IZUMO4: variants seen among roughly 807,000 people sequenced by gnomAD.
The protein encoded by IZUMO4 is izumo sperm-egg fusion protein 4.
Under a neutral mutation model 37.1 loss-of-function variants are expected in IZUMO4, and 51 were observed. The observed-to-expected ratio is 1.38, with a 90% CI of 1.10 to 1.74. The LOEUF is 1.74. Among genes scored for constraint, IZUMO4 ranks in the 40% most tolerant of loss-of-function variants. IZUMO4 has a pLI of 0.00. For missense variants in IZUMO4, 364 were observed against 299.6 expected, an observed-to-expected ratio of 1.21 and a Z score of -1.59; for synonymous variants, 162 against 121.4, an observed-to-expected ratio of 1.33 and a Z score of -2.20.
rs561059378 is a variant in IZUMO4, at chr19:2,098,867, G to A, written c.554+63G>A. 4.2e-4 allele frequency: 642 copies of A among 1,529,522 alleles called. 4 individuals carry two copies. The highest frequency in any genetic ancestry group is 3.8e-3 in the South Asian group (342 of 89,648). 94.7% of individuals were successfully genotyped at this position (1,529,522 alleles called of 1,614,324 possible). On this transcript the variant is annotated intron_variant, in intron 8 of 9. Coordinates refer to ENST00000395301, the MANE Select transcript of IZUMO4 (RefSeq NM_001039846.2). The stretch of plus-strand genomic sequence containing the variant: ...TAAAGGGAGAGAGGAGGGGGGCTAG[G>A]GGGTCCTCTAGATCAGTGGGGGCAC...
chr19:2,098,721 G>T, intron 7 of IZUMO4, 66 bp from the exon 8 acceptor site: 1 of 1,598,330 alleles, frequency 6.3e-7, no homozygotes, highest in Non-Finnish European at 8.5e-7. Flanking sequence ...TCAGAGCCTG[G>T]GAGGGTTCCC....
In IZUMO4 at chr19:2,099,507, G is replaced by C; in HGVS notation, c.*162G>C. ...CAGGAGGGCGGGAGGGAGGGAATGGGGGTGGGCTGTGCGCAGCATCAGCGC... is the reference window on the plus strand; with the variant it reads ...CAGGAGGGCGGGAGGGAGGGAATGGCGGTGGGCTGTGCGCAGCATCAGCGC... On this transcript the variant is annotated 3_prime_UTR_variant, in exon 10 of 10. Transcript: ENST00000395301. The C allele has an allele frequency of 1.7e-6, 1 of 604,320 alleles. No individual in the cohort carries two copies. Among genetic ancestry groups the C allele is most frequent in the East Asian group, 2.8e-5 (1 of 35,774 alleles). 37.4% of individuals were successfully genotyped at this position (604,320 alleles called of 1,614,324 possible). A position where few individuals can be genotyped will look rare whatever the true frequency, so the allele number is the denominator to read the frequency against.
At chr19:2,098,936 C>T (rs1379609958) in intron 8 of IZUMO4, 40 bp from the exon 9 acceptor site, 7 of 1,608,154 alleles carry the variant, frequency 4.4e-6, no homozygotes, top group African/African-American at 4.0e-5. Flanking sequence ...TGCTGGATGT[C>T]ACCTCTGCAA....
In IZUMO4 at chr19:2,098,262, C is replaced by G. The variant is rs757782144; in HGVS notation, c.474-25C>G. The G allele has an allele frequency of 5.0e-6, 8 of 1,613,546 alleles. 1 individual carries two copies. In the Admixed American group the frequency reaches 6.7e-5, roughly 13 times the overall value. ...GCGGGGCCGTGGGTTCAGGGGCGCA[C>G]CACTTCCAAGCCTGTGTCCCACAGG... On this transcript the variant is annotated intron_variant, in intron 5 of 9. Transcript: ENST00000395301.
intron 1 of IZUMO4, 33 bp downstream of exon 1, chr19:2,097,195 C>T: frequency 2.5e-6 from 4 of 1,605,920 alleles, no homozygotes; most frequent in Non-Finnish European, 3.4e-6. Flanking sequence ...GTCCCGACTA[C>T]CCCGCCAGCG....
Position 2,099,014 on chromosome 19 carries a change from G to A in IZUMO4, c.593G>A (p.Arg198Lys), listed in dbSNP as rs575964335. ...SSAFSWPGTH[R>K]ATPAFLVSPA... ...GCCTTCTCCTGGCCTGGGACACACA[G>A]AGCCACCCCGGCCTTGTGAGTGACC... The change falls in exon 9 of 10, where the codon AGA becomes AAA. Residue 198 changes from arginine (R) to lysine (K), a missense_variant. Coordinates refer to ENST00000395301, the MANE Select transcript of IZUMO4 (RefSeq NM_001039846.2). 2.7e-5 allele frequency: 44 copies of A among 1,613,138 alleles called. No homozygotes were observed. In the African/African-American group the frequency reaches 4.7e-4, roughly 17 times the overall value.
Position 2,099,374 on chromosome 19 carries a change from T to C in IZUMO4, c.*29T>C. The C allele has an allele frequency of 1.3e-6, 2 of 1,520,092 alleles. No homozygotes were observed. The highest frequency in any genetic ancestry group is 1.2e-5 in the South Asian group (1 of 85,988). The allele number at this position is 1,520,092 out of a possible 1,614,324, so 94.2% of individuals were successfully genotyped here. On this transcript the variant is annotated 3_prime_UTR_variant, in exon 10 of 10. Coordinates refer to ENST00000395301, the MANE Select transcript of IZUMO4 (RefSeq NM_001039846.2). Reference sequence around the variant, plus strand: ...CAGCTGGGCCTGCCCCAGGGCAACGTGGGGGCGGAGACTCAGCTGGACAGC... The same window carrying C: ...CAGCTGGGCCTGCCCCAGGGCAACGCGGGGGCGGAGACTCAGCTGGACAGC...
In IZUMO4 at chr19:2,098,071, C is replaced by T. The variant is rs1245841527; in HGVS notation, c.417C>T (p.Thr139=). Residue 139 remains threonine (T), a synonymous_variant, in exon 5 of 10, where the codon ACC becomes ACT. Coordinates refer to ENST00000395301, the MANE Select transcript of IZUMO4 (RefSeq NM_001039846.2). ...TTTCAGGCATCTTCCAGTACGAGAC[C>T]ATCTCCTGCAACAACTGCACAGACT... ...QHRCGIFQYE[T]ISCNNCTDSH... 1.2e-6 allele frequency: 2 copies of T among 1,613,362 alleles called. No individual in the cohort carries two copies. Among genetic ancestry groups the T allele is most frequent in the Admixed American group, 1.7e-5 (1 of 60,008 alleles).
intron 5 of IZUMO4, 55 bp downstream of exon 5, chr19:2,098,182 C>T (rs1477125940): frequency 6.2e-7 from 1 of 1,611,500 alleles, no homozygotes; most frequent in Non-Finnish European, 8.5e-7. Context: ...CCCTGGGGTC[C>T]CAGGCTCTCC....
chr19:2,097,208 A>G (rs1177781263), intron 1 of IZUMO4, 44 bp from the exon 2 acceptor site: 1 of 1,606,270 alleles, frequency 6.2e-7, no homozygotes, highest in Non-Finnish European at 8.5e-7. Context: ...CGCCAGCGAG[A>G]CCCCGGGGCA....
At chr19:2,098,029 G>C in intron 4 of IZUMO4, 23 bp from the exon 5 acceptor site, 1 of 1,613,222 alleles carries the variant, frequency 6.2e-7, no homozygotes, top group East Asian at 2.2e-5. Flanking sequence ...GGGGAGCCCT[G>C]GCGGCTCTTG....
Position 2,097,239 on chromosome 19 carries a change from C to T in IZUMO4, c.218-13C>T, listed in dbSNP as rs745737136. The T allele has an allele frequency of 1.9e-6, 3 of 1,611,184 alleles. No homozygotes were observed. The highest frequency in any genetic ancestry group is 2.5e-6 in the Non-Finnish European group (3 of 1,179,006). ...GGGCAGGCCGGTCACCTGGCTTCTC[C>T]TCCTGCCCGCAGCCCGGGAGAAGCT... On this transcript the variant is annotated splice_polypyrimidine_tract_variant and intron_variant, in intron 1 of 9. Transcript: ENST00000395301.
At position 2,096,936 on chromosome 19, in the gene IZUMO4, C is replaced by T; in HGVS notation, c.-10C>T. On this transcript the variant is annotated 5_prime_UTR_variant, in exon 1 of 10. Transcript: ENST00000395301. ...CGTCGTTGGTTGGCCGGCGGCGGGCCGGGACGGGCATGGCCCTGCTGCTGT... is the reference window on the plus strand; with the variant it reads ...CGTCGTTGGTTGGCCGGCGGCGGGCTGGGACGGGCATGGCCCTGCTGCTGT... The T allele has an allele frequency of 1.9e-6, 3 of 1,599,848 alleles. No individual in the cohort carries two copies. The highest frequency in any genetic ancestry group is 2.5e-6 in the Non-Finnish European group (3 of 1,176,734).
chr19:2,098,275 T>C lies in IZUMO4; in HGVS notation c.474-12T>C, dbSNP rs1373315232. ...TTCAGGGGCGCACCACTTCCAAGCCTGTGTCCCACAGGTCCTCGGCGCAGT... is the reference window on the plus strand; with the variant it reads ...TTCAGGGGCGCACCACTTCCAAGCCCGTGTCCCACAGGTCCTCGGCGCAGT... On this transcript the variant is annotated splice_polypyrimidine_tract_variant and intron_variant, in intron 5 of 9. Coordinates refer to ENST00000395301, the MANE Select transcript of IZUMO4 (RefSeq NM_001039846.2). 2 of 1,613,778 alleles carry C rather than the reference T, an allele frequency of 1.2e-6. No homozygotes were observed. Among genetic ancestry groups the C allele is most frequent in the East Asian group, 4.5e-5 (2 of 44,880 alleles).
In IZUMO4 at chr19:2,097,233, C is replaced by T; in HGVS notation, c.218-19C>T. Reference sequence around the variant, plus strand: ...ACCCCGGGGCAGGCCGGTCACCTGGCTTCTCCTCCTGCCCGCAGCCCGGGA... The same window carrying T: ...ACCCCGGGGCAGGCCGGTCACCTGGTTTCTCCTCCTGCCCGCAGCCCGGGA... On this transcript the variant is annotated intron_variant, in intron 1 of 9. Transcript: ENST00000395301. The T allele has an allele frequency of 6.2e-7, 1 of 1,610,378 alleles. No homozygotes were observed.
chr19:2,097,702 G>A (rs755519989), intron 3 of IZUMO4: 1 of 684,190 alleles, frequency 1.5e-6, no homozygotes, highest in South Asian at 1.8e-5. Context: ...GCCCCCAGAG[G>A]CGCTGGGAGT....
chr19:2,097,271 A>C lies in IZUMO4; in HGVS notation c.237A>C (p.Gln79His). The change falls in exon 2 of 10, where the codon CAA (glutamine) becomes CAC (histidine). Residue 79 changes from glutamine (Q) to histidine (H), a missense_variant. Transcript: ENST00000395301. Reference protein sequence around the residue: ...PAKITREKLDQVATAVYQMMD... With the variant: ...PAKITREKLDHVATAVYQMMD... The stretch of plus-strand genomic sequence containing the variant: ...CCGCAGCCCGGGAGAAGCTGGACCA[A>C]GTGGCGACAGCAGTGTACCAGATGA... 2.5e-6 allele frequency: 4 copies of C among 1,612,570 alleles called. No homozygotes were observed. The South Asian group carries it at 3.3e-5, about 13-fold the overall frequency.
chr19:2,098,793 C>A lies in IZUMO4; in HGVS notation c.543C>A (p.Asp181Glu). The change falls in exon 8 of 10, where the codon GAC (aspartate) becomes GAA (glutamate). Residue 181 changes from aspartate (D) to glutamate (E), a missense_variant. Transcript: ENST00000395301. ...GCCCCACATTGCCTTTCAGACAGGA[C>A]ACGAGCATGAGGTAAGGCCGCCCTG... ...LNYINNWHKQ[D>E]TSMRPRSSAF... 1 of 1,601,396 alleles carries A rather than the reference C, an allele frequency of 6.2e-7. No homozygotes were observed. The highest frequency in any genetic ancestry group is 8.5e-7 in the Non-Finnish European group (1 of 1,174,424).
rs764931153 is a variant in IZUMO4, at chr19:2,097,323, T to C, written c.289T>C (p.Tyr97His). 2 of 1,612,338 alleles carry C rather than the reference T, an allele frequency of 1.2e-6. No individual in the cohort carries two copies. The highest frequency in any genetic ancestry group is 1.7e-6 in the Non-Finnish European group (2 of 1,179,514). Residue 97 changes from tyrosine to histidine, a missense_variant, in exon 2 of 10, where the codon TAC becomes CAC. Transcript: ENST00000395301. ...GGATCAGCTGTACCAGGGGAAGATG[T>C]ACTTCCCCGGTAAGGGGCGCGAAAC... is the stretch of plus-strand genomic sequence containing the variant. Reference protein sequence around the residue: ...MMDQLYQGKMYFPGYFPNELR... With the variant: ...MMDQLYQGKMHFPGYFPNELR...
Sources: allele counts gnomAD v4.1 joint callset, GRCh38; gene constraint gnomAD v4.1.1; transcripts MANE v1.5; gene names NCBI Gene and HGNC (gene_info 2026-07-23, HGNC 2026-07-21).